DNAH6: variants seen among roughly 807,000 people sequenced by gnomAD.
DNAH6 encodes axonemal beta dynein heavy chain 6.
A neutral mutation model predicts 491.4 loss-of-function variants in DNAH6; 340 were observed. That is an observed-to-expected ratio of 0.69 (90% CI 0.63 to 0.76). The LOEUF (loss-of-function observed/expected upper bound fraction) is 0.76, where lower values mean the gene tolerates loss of function less well. Among genes scored for constraint, DNAH6 ranks in the 30% least tolerant of loss-of-function variants. DNAH6 has a pLI of 0.00. For missense variants in DNAH6, 4,443 were observed against 4,972.2 expected (o/e 0.89, Z 3.20); for synonymous variants, 1,603 against 1,686.1 (o/e 0.95, Z 1.21).
chr2:84,807,334 T>C (rs1307409517), intron 71 of DNAH6, among the ~76,000 whole-genome samples: 1 of 152,182 alleles, frequency 6.6e-6, no homozygotes, highest in Non-Finnish European at 1.5e-5. Context: ...TACACATACT[T>C]TTCTCAAATA....
intron 4 of DNAH6, 93 bp from the exon 5 acceptor site, chr2:84,544,140 A>G: frequency 1.6e-6 from 1 of 626,944 alleles, no homozygotes; most frequent in Non-Finnish European, 2.5e-6. Flanking sequence ...CTTTCCAGAA[A>G]TGTTTTATCT....
intron 16 of DNAH6, 59 bp from the exon 17 acceptor site, chr2:84,593,913 G>T: frequency 2.1e-6 from 2 of 945,948 alleles, no homozygotes; most frequent in Non-Finnish European, 1.6e-6. Flanking sequence ...TAGGAGAATA[G>T]CATATGCTCA....
Position 84,639,417 on chromosome 2 carries a change from ATTTT to A in DNAH6, c.4822-997_4822-994del, listed in dbSNP as rs374331918. Among the ~76,000 whole-genome samples the A allele has an allele frequency of 1.0e-3, 139 of 133,232 alleles. 1 individual carries two copies. Among genetic ancestry groups the A allele is most frequent in the African/African-American group, 3.7e-3 (131 of 35,642 alleles). The allele number at this position is 133,232 out of a possible 152,430, so 87.4% of individuals were successfully genotyped here. A position where few individuals can be genotyped will look rare whatever the true frequency, so the allele number is the denominator to read the frequency against. On this transcript the variant is annotated intron_variant, in intron 31 of 76. Transcript: ENST00000389394. ...AATGAATTAGATTCTGTTGTCAGTA[ATTTT>A]TTTTTTTTTTTTTTTGAGAAAGAGT... is the stretch of plus-strand genomic sequence containing the variant.
chr2:84,606,368 C>A (rs745816270), intron 20 of DNAH6, among the ~76,000 whole-genome samples: 2 of 152,116 alleles, frequency 1.3e-5, no homozygotes, highest in Non-Finnish European at 2.9e-5. Context: ...GAGGGTTCTA[C>A]TCTCAAAAAG....
intron 33 of DNAH6, among the ~76,000 whole-genome samples, chr2:84,646,960 G>A (rs1014119281): frequency 1.3e-5 from 2 of 152,146 alleles, no homozygotes; most frequent in Non-Finnish European, 2.9e-5. Flanking sequence ...CAATTCTCCT[G>A]CCTCAGCCTC....
the DNAH6 span, among the ~76,000 whole-genome samples, chr2:84,510,089 T>G: frequency 1.1e-4 from 17 of 152,206 alleles, no homozygotes; most frequent in Non-Finnish European, 2.5e-4. Context: ...CTTTGTGGTG[T>G]TCTCTGTATT....
At chr2:84,551,770 A>G (rs1679391978) in intron 9 of DNAH6, among the ~76,000 whole-genome samples, 1 of 152,214 alleles carries the variant, frequency 6.6e-6, no homozygotes, top group Admixed American at 6.5e-5. Context: ...CATTTAGGCC[A>G]GGCGTGGTGA....
At chr2:84,799,159 TG>T (rs1678639404) in intron 70 of DNAH6, among the ~76,000 whole-genome samples, 1 of 152,158 alleles carries the variant, frequency 6.6e-6, no homozygotes, top group Non-Finnish European at 1.5e-5. Context: ...AGCTAATTTT[TG>T]TGTTTTTAGT....
At chr2:84,466,053 C>T in the DNAH6 span, among the ~76,000 whole-genome samples, 1 of 152,142 alleles carries the variant, frequency 6.6e-6, no homozygotes, top group Non-Finnish European at 1.5e-5. Context: ...AGGTTTTTAT[C>T]CTCAAATACC....
In DNAH6 at chr2:84,773,859, T is replaced by C. The variant is rs188547181; in HGVS notation, c.10704-7634T>C. Among the ~76,000 whole-genome samples the C allele has an allele frequency of 4.1e-3, 626 of 152,250 alleles. 2 individuals carry two copies. Among genetic ancestry groups the C allele is most frequent in the South Asian group, 7.7e-3 (37 of 4,826 alleles). ...ATTAGTGATGTTGAGAATTTTTATA[T>C]GTTTTTGGACGCCTGTATGTCTTCT... On this transcript the variant is annotated intron_variant, in intron 64 of 76. Coordinates refer to ENST00000389394, the MANE Select transcript of DNAH6 (RefSeq NM_001370.2).
intron 33 of DNAH6, among the ~76,000 whole-genome samples, chr2:84,649,907 G>C (rs1377962546): frequency 2.6e-5 from 4 of 152,076 alleles, no homozygotes; most frequent in African/African-American, 9.7e-5. Context: ...TGCACATCCT[G>C]CACATGTACC....
intron 29 of DNAH6, among the ~76,000 whole-genome samples, chr2:84,632,251 G>C (rs74386740): frequency 0.035 from 5,400 of 152,248 alleles, 145 homozygotes; most frequent in Non-Finnish European, 0.053. Context: ...GTAAGATCTG[G>C]TTTGGATAAG....
chr2:84,508,268 A>T, the DNAH6 span, among the ~76,000 whole-genome samples: 1 of 152,226 alleles, frequency 6.6e-6, no homozygotes, highest in Admixed American at 6.5e-5. Context: ...CTATTCAGAG[A>T]TTCAACTTCC....
At chr2:84,470,044 C>CTTTACTCA in the DNAH6 span, among the ~76,000 whole-genome samples, 1 of 152,184 alleles carries the variant, frequency 6.6e-6, no homozygotes, top group Non-Finnish European at 1.5e-5. Flanking sequence ...CAATCCCATT[C>CTTTACTCA]TTTACCTGAG....
chr2:84,620,621 T>C (rs1357528462), intron 24 of DNAH6, among the ~76,000 whole-genome samples: 2 of 152,190 alleles, frequency 1.3e-5, no homozygotes, highest in East Asian at 3.8e-4. Flanking sequence ...CACAGTGGTG[T>C]ATCTATGGGA....
Position 84,781,611 on chromosome 2 carries a change from A to AT in DNAH6, c.10823dup (p.Met3608IlefsTer9). ...AAATTGCCATCTTGCTGTTTCTTGG[A>AT]TGTTGGCAATGGAAGAGCTCATTAA... On this transcript the variant is annotated frameshift_variant, in exon 65 of 77. Transcript: ENST00000389394. LOFTEE classifies it high-confidence loss of function. The AT allele has an allele frequency of 6.4e-7, 1 of 1,551,986 alleles. No individual in the cohort carries two copies. The highest frequency in any genetic ancestry group is 8.7e-7 in the Non-Finnish European group (1 of 1,146,998).
the DNAH6 span, among the ~76,000 whole-genome samples, chr2:84,476,943 T>C: frequency 6.6e-6 from 1 of 152,244 alleles, no homozygotes; most frequent in Non-Finnish European, 1.5e-5. Flanking sequence ...TTAAATGTCC[T>C]CAGGTGTCCT....
At chr2:84,557,127 A>G (rs928751315) in intron 10 of DNAH6, among the ~76,000 whole-genome samples, 2 of 152,194 alleles carry the variant, frequency 1.3e-5, no homozygotes, top group African/African-American at 4.8e-5. Flanking sequence ...ATTTTCCCAT[A>G]GACTTCCTTG....
At chr2:84,464,768 T>C in the DNAH6 span, among the ~76,000 whole-genome samples, 2 of 151,914 alleles carry the variant, frequency 1.3e-5, no homozygotes, top group African/African-American at 4.8e-5. Context: ...TTTTGGTGGG[T>C]TTTGGCTAGC....
Sources: gnomAD v4.1 joint callset for allele counts (sites outside exome capture counted in the v4.1 genomes callset) on GRCh38, gnomAD v4.1.1 for gene constraint, MANE v1.5 for transcripts, NCBI Gene and HGNC (gene_info 2026-07-23, HGNC 2026-07-21) for gene names.